Variants in COA4 observed in about 807,000 individuals in gnomAD.
COA4 encodes cytochrome c oxidase assembly factor 4 homolog, also known as cytochrome c oxidase assembly factor 4 homolog, mitochondrial.
Under a neutral mutation model 7.3 loss-of-function variants are expected in COA4, and 8 were observed. The observed-to-expected ratio is 1.10, with a 90% CI of 0.64 to 1.98. The LOEUF (loss-of-function observed/expected upper bound fraction) is 1.98, where lower values mean the gene tolerates loss of function less well. COA4 is among the 30% of genes most tolerant of loss of function. The pLI is 0.00. For synonymous variants in COA4, 42 were observed against 44.3 expected, an observed-to-expected ratio of 0.95 and a Z score of 0.21; for missense variants, 96 against 111.2, an observed-to-expected ratio of 0.86 and a Z score of 0.62.
At chr11:73,876,715 T>G (rs1383201359) in intron 1 of COA4, 42 bp downstream of exon 1, 1 of 284,412 alleles carries the variant, frequency 3.5e-6, no homozygotes, top group Non-Finnish European at 6.5e-6. Flanking sequence ...AGCCCCGTTG[T>G]GCCCGCAACG....
chr11:73,876,767 G>A lies in COA4; in HGVS notation c.-27C>T, dbSNP rs1334250798. 1.6e-5 allele frequency: 6 copies of A among 369,834 alleles called. No individual in the cohort carries two copies. The highest frequency in any genetic ancestry group is 2.9e-5 in the Non-Finnish European group (6 of 206,136). The allele number at this position is 369,834 out of a possible 1,614,324, so 22.9% of individuals were successfully genotyped here. A position where few individuals can be genotyped will look rare whatever the true frequency, so the allele number is the denominator to read the frequency against. On this transcript the variant is annotated 5_prime_UTR_variant, in exon 1 of 2. Transcript: ENST00000355693. The stretch of plus-strand genomic sequence containing the variant: ...GTACGCGATGCTCACCGAACAGGTG[G>A]GAGAAGAGGGCCCGAACGCACGCTC...
At chr11:73,874,237 C>T (rs1565118763) in intron 1 of COA4, among the ~76,000 whole-genome samples, 2 of 152,148 alleles carry the variant, frequency 1.3e-5, no homozygotes, top group South Asian at 2.1e-4. Flanking sequence ...CACCTGAGGT[C>T]GGGAGATCAA....
chr11:73,873,420 A>G (rs1432620641), intron 1 of COA4, 26 bp from the exon 2 acceptor site: 33 of 1,599,212 alleles, frequency 2.1e-5, no homozygotes, highest in Non-Finnish European at 2.7e-5. Context: ...AGGTTAGAGT[A>G]GGGATATAAT....
intron 1 of COA4, 47 bp from the exon 2 acceptor site, chr11:73,873,441 C>T: frequency 6.5e-7 from 1 of 1,543,014 alleles, no homozygotes; most frequent in Non-Finnish European, 8.9e-7. Context: ...ATGTAAGGTT[C>T]CTAAATTATA....
At chr11:73,876,126 CAAAAAAAAA>C (rs60469198) in intron 1 of COA4, 1 of 102,808 alleles carries the variant, frequency 9.7e-6, no homozygotes, top group Non-Finnish European at 2.1e-5. Context: ...GACCCTGTCT[CAAAAAAAAA>C]AAAAAAGAAA....
chr11:73,873,676 T>G, intron 1 of COA4: 1 of 440,812 alleles, frequency 2.3e-6, no homozygotes, highest in Non-Finnish European at 4.0e-6. Context: ...GCATCACCAC[T>G]CAGCTAATTT....
intron 1 of COA4, among the ~76,000 whole-genome samples, chr11:73,875,104 C>T (rs1197254152): frequency 3.9e-5 from 6 of 152,194 alleles, no homozygotes; most frequent in Non-Finnish European, 8.8e-5. Context: ...AACCTGGCCT[C>T]TGGGTCTATA....
intron 1 of COA4, 198 bp from the exon 2 acceptor site, chr11:73,873,592 C>A (rs1948712625): frequency 2.4e-5 from 14 of 580,146 alleles, no homozygotes; most frequent in Non-Finnish European, 3.9e-5. Context: ...CTCACTGTAG[C>A]CTCCATCTTT....
In COA4 at chr11:73,873,682, A is replaced by G. The variant is rs61581672; in HGVS notation, c.-16-288T>C. 3,886 of 428,848 alleles carry G rather than the reference A, an allele frequency of 9.1e-3. 128 individuals carry two copies. The highest frequency in any genetic ancestry group is 0.069 in the African/African-American group (3,422 of 49,412). The allele number at this position is 428,848 out of a possible 1,614,324, so 26.6% of individuals were successfully genotyped here. ...TACAGGTGTGCATCACCACTCAGCTAATTTTTTTGATTCTTTAATAGAGAC... is the reference window on the plus strand; with the variant it reads ...TACAGGTGTGCATCACCACTCAGCTGATTTTTTTGATTCTTTAATAGAGAC... On this transcript the variant is annotated intron_variant, in intron 1 of 1. Transcript: ENST00000355693.
chr11:73,872,838 T>C lies in COA4; in HGVS notation c.*277A>G, dbSNP rs369652693. 2.3e-6 allele frequency: 1 copy of C among 437,218 alleles called. No homozygotes were observed. Among genetic ancestry groups the C allele is most frequent in the African/African-American group, 2.0e-5 (1 of 51,200 alleles). The allele number at this position is 437,218 out of a possible 1,614,324, so 27.1% of individuals were successfully genotyped here. Reference sequence around the variant, plus strand: ...TCATCTCAGTACTTGGCACACTGACTTAAGATGTGGGGTGGGGGAGCATCC... The same window carrying C: ...TCATCTCAGTACTTGGCACACTGACCTAAGATGTGGGGTGGGGGAGCATCC... On this transcript the variant is annotated 3_prime_UTR_variant, in exon 2 of 2. Transcript: ENST00000355693.
rs1948754891 is a variant in COA4, at chr11:73,876,820, G to A, written c.-80C>T. 2 of 460,154 alleles carry A rather than the reference G, an allele frequency of 4.3e-6. No homozygotes were observed. Among genetic ancestry groups the A allele is most frequent in the Non-Finnish European group, 7.2e-6 (2 of 276,142 alleles). The allele number at this position is 460,154 out of a possible 1,614,324, so 28.5% of individuals were successfully genotyped here. ...ACGCGGCGGCTTGGGTTTCGCAGGC[G>A]GTTGGGGATCCTCTGTACATCCTTT... is the stretch of plus-strand genomic sequence containing the variant. On this transcript the variant is annotated 5_prime_UTR_variant, in exon 1 of 2. Coordinates refer to ENST00000355693, the MANE Select transcript of COA4 (RefSeq NM_016565.3).
chr11:73,873,425 T>G, intron 1 of COA4, 31 bp from the exon 2 acceptor site: 1 of 1,586,626 alleles, frequency 6.3e-7, no homozygotes, highest in East Asian at 2.2e-5. Context: ...AGAGTAGGGA[T>G]ATAATATGTA....
Position 73,873,266 on chromosome 11 carries a change from T to C in COA4, c.113A>G (p.His38Arg), listed in dbSNP as rs2135105585. The C allele has an allele frequency of 1.9e-6, 3 of 1,614,230 alleles. No homozygotes were observed. The highest frequency in any genetic ancestry group is 2.5e-6 in the Non-Finnish European group (3 of 1,180,038). The change falls in exon 2 of 2, where the codon CAC (histidine) becomes CGC (arginine). Residue 38 changes from histidine to arginine, a missense_variant. Coordinates refer to ENST00000355693, the MANE Select transcript of COA4 (RefSeq NM_016565.3). ...GGCCATGCACTCCTGCACTGCAAAG[T>C]GGGAGGCAGCACAGCCAGAGCGGGA... ...LISRSGCAAS[H>R]FAVQECMAQH...
chr11:73,876,654 T>G (rs1057505372), intron 1 of COA4, 103 bp downstream of exon 1: 2 of 187,466 alleles, frequency 1.1e-5, no homozygotes, highest in African/African-American at 2.3e-5. Flanking sequence ...CTCAGGCGTA[T>G]CGAGGACTTT....
Position 73,873,092 on chromosome 11 carries a change from C to T in COA4, c.*23G>A. The T allele has an allele frequency of 6.3e-7, 1 of 1,577,798 alleles. No homozygotes were observed. ...GTGCTGGTCTTGGCAGGGCCATCTACTGGGGATAGGTGGTTTGGGGTCTCA... is the reference window on the plus strand; with the variant it reads ...GTGCTGGTCTTGGCAGGGCCATCTATTGGGGATAGGTGGTTTGGGGTCTCA... On this transcript the variant is annotated 3_prime_UTR_variant, in exon 2 of 2. Transcript: ENST00000355693.
Position 73,873,324 on chromosome 11 carries a change from C to G in COA4, c.55G>C (p.Asp19His). 5 of 1,614,204 alleles carry G rather than the reference C, an allele frequency of 3.1e-6. No individual in the cohort carries two copies. The highest frequency in any genetic ancestry group is 4.2e-6 in the Non-Finnish European group (5 of 1,180,030). ...HTWTQRVKKD[D>H]EEEDPLDQLI... ...TGGTCCAGCGGGTCCTCCTCCTCAT[C>G]GTCTTTCTTCACCCGTTGGGTCCAG... The change falls in exon 2 of 2, where the codon GAT (aspartate) becomes CAT (histidine). Residue 19 changes from aspartate (D) to histidine (H), a missense_variant. By Grantham distance (81) the Asp-to-His change is moderately conservative. Coordinates refer to ENST00000355693, the MANE Select transcript of COA4 (RefSeq NM_016565.3).
At chr11:73,875,740 T>C (rs887687200) in intron 1 of COA4, 4 of 151,878 alleles carry the variant, frequency 2.6e-5, no homozygotes, top group African/African-American at 4.8e-5. Context: ...GCGATATAAG[T>C]AAGTGATCAT....
intron 1 of COA4, 153 bp from the exon 2 acceptor site, chr11:73,873,547 T>C: frequency 1.4e-6 from 1 of 706,956 alleles, no homozygotes; most frequent in Non-Finnish European, 2.3e-6. Context: ...TTTTTTTTTT[T>C]TTTTTTTTGA....
Position 73,873,064 on chromosome 11 carries a change from T to C in COA4, c.*51A>G. 1 of 1,531,688 alleles carries C rather than the reference T, an allele frequency of 6.5e-7. No individual in the cohort carries two copies. Among genetic ancestry groups the C allele is most frequent in the Non-Finnish European group, 8.8e-7 (1 of 1,139,486 alleles). 94.9% of individuals were successfully genotyped at this position (1,531,688 alleles called of 1,614,324 possible). A position where few individuals can be genotyped will look rare whatever the true frequency, so the allele number is the denominator to read the frequency against. On this transcript the variant is annotated 3_prime_UTR_variant, in exon 2 of 2. Coordinates refer to ENST00000355693, the MANE Select transcript of COA4 (RefSeq NM_016565.3). ...AGGATTTCTTCCTCTATAATCTTGCTGGGTGCTGGTCTTGGCAGGGCCATC... is the reference window on the plus strand; with the variant it reads ...AGGATTTCTTCCTCTATAATCTTGCCGGGTGCTGGTCTTGGCAGGGCCATC...
Sources: allele counts gnomAD v4.1 joint callset (sites outside exome capture counted in the v4.1 genomes callset), GRCh38; gene constraint gnomAD v4.1.1; transcripts MANE v1.5; gene names NCBI Gene and HGNC (gene_info 2026-07-23, HGNC 2026-07-21).